MRPS28: variants seen among roughly 807,000 people sequenced by gnomAD.
MRPS28 encodes mitochondrial ribosomal protein S28.
A neutral mutation model predicts 10.8 loss-of-function variants in MRPS28; 7 were observed. The observed-to-expected ratio is 0.65, with a 90% confidence interval of 0.37 to 1.22. The LOEUF (loss-of-function observed/expected upper bound fraction) is 1.22. Among genes scored for constraint, MRPS28 ranks in the 50% most tolerant of loss-of-function variants. The pLI is 0.02. For synonymous variants in MRPS28, 121 were observed against 93.3 expected (o/e 1.30, Z -1.71); for missense variants, 265 against 232.9 (o/e 1.14, Z -0.90).
chr8:79,929,764 T>A (rs78297311), intron 2 of MRPS28, among the ~76,000 whole-genome samples: 1,561 of 152,204 alleles, frequency 0.01, 17 homozygotes, highest in African/African-American at 0.015. Context: ...TCACAGGGAA[T>A]TTTCAAAATG....
At position 79,953,811 on chromosome 8, in the gene MRPS28, A is replaced by T. The variant is rs574912486; in HGVS notation, c.396-34663T>A. ...TAACCAAGAAAGGGTTGCTACCCAG[A>T]TATATAAAGAAATGCTACAAGTGAA... On this transcript the variant is annotated intron_variant, in intron 2 of 2. Coordinates refer to ENST00000276585, the MANE Select transcript of MRPS28 (RefSeq NM_014018.3). 5.9e-5 allele frequency among the ~76,000 whole-genome samples: 9 copies of T among 152,362 alleles called. No homozygotes were observed. In the South Asian group the frequency reaches 1.9e-3, roughly 32 times the overall value.
At chr8:80,013,225 C>T (rs1265585320) in intron 1 of MRPS28, among the ~76,000 whole-genome samples, 2 of 151,994 alleles carry the variant, frequency 1.3e-5, no homozygotes, top group Non-Finnish European at 2.9e-5. Flanking sequence ...AAATTTTCTT[C>T]CAATTCTATA....
intron 2 of MRPS28, among the ~76,000 whole-genome samples, chr8:79,935,559 A>C (rs1172953997): frequency 6.6e-6 from 1 of 152,180 alleles, no homozygotes; most frequent in Non-Finnish European, 1.5e-5. Flanking sequence ...GTAAGCTTAG[A>C]TCTGTGATTA....
At chr8:80,016,432 C>A (rs760562337) in intron 1 of MRPS28, among the ~76,000 whole-genome samples, 2 of 151,434 alleles carry the variant, frequency 1.3e-5, no homozygotes, top group Non-Finnish European at 2.9e-5. Context: ...AAAATACTAA[C>A]CTAGAATTCT....
chr8:79,983,405 C>A (rs1231867851), intron 2 of MRPS28, among the ~76,000 whole-genome samples: 5 of 152,132 alleles, frequency 3.3e-5, no homozygotes, highest in African/African-American at 4.8e-5. Context: ...TCACCAGCAA[C>A]GGAACAAAGC....
chr8:79,920,226 T>G lies in MRPS28; in HGVS notation c.396-1078A>C, dbSNP rs184877818. Reference sequence around the variant, plus strand: ...TTGGGTTGGTTCCAAGTCTTTGCTATTGCGAATGGTACCGCAATAAACATA... The same window carrying G: ...TTGGGTTGGTTCCAAGTCTTTGCTAGTGCGAATGGTACCGCAATAAACATA... On this transcript the variant is annotated intron_variant, in intron 2 of 2. Transcript: ENST00000276585. Among the ~76,000 whole-genome samples the G allele has an allele frequency of 2.4e-3, 365 of 152,294 alleles. 2 individuals are homozygous for G. The highest frequency in any genetic ancestry group is 8.4e-3 in the African/African-American group (350 of 41,564).
At chr8:79,977,801 A>G (rs1168321296) in intron 2 of MRPS28, among the ~76,000 whole-genome samples, 1 of 151,572 alleles carries the variant, frequency 6.6e-6, no homozygotes, top group African/African-American at 2.4e-5. Context: ...TGGGTGACAG[A>G]GTGAGACTGT....
At chr8:80,004,324 T>C (rs1030081025) in intron 1 of MRPS28, among the ~76,000 whole-genome samples, 21 of 152,202 alleles carry the variant, frequency 1.4e-4, no homozygotes, top group African/African-American at 5.1e-4. Context: ...CATTTGCTGT[T>C]CATCAGTATT....
chr8:79,992,748 A>G (rs925986280), intron 2 of MRPS28, among the ~76,000 whole-genome samples: 1 of 152,214 alleles, frequency 6.6e-6, no homozygotes, highest in Admixed American at 6.5e-5. Context: ...AGTGGTTAAC[A>G]ATATAGAGAA....
At chr8:79,992,528 A>G (rs1808394607) in intron 2 of MRPS28, among the ~76,000 whole-genome samples, 1 of 152,170 alleles carries the variant, frequency 6.6e-6, no homozygotes, top group Non-Finnish European at 1.5e-5. Context: ...TCATTCATTT[A>G]GTCATTTATT....
At chr8:79,964,042 T>C (rs1331818829) in intron 2 of MRPS28, among the ~76,000 whole-genome samples, 1 of 152,168 alleles carries the variant, frequency 6.6e-6, no homozygotes, top group African/African-American at 2.4e-5. Context: ...TTTTCTGTCA[T>C]ATTTCTCTTA....
intron 2 of MRPS28, among the ~76,000 whole-genome samples, chr8:79,951,954 G>C (rs963760615): frequency 1.3e-5 from 2 of 152,148 alleles, no homozygotes; most frequent in African/African-American, 4.8e-5. Flanking sequence ...AGGTGAGTTG[G>C]TAAGTTTCTT....
intron 2 of MRPS28, among the ~76,000 whole-genome samples, chr8:79,962,271 C>T (rs1477957788): frequency 6.6e-6 from 1 of 151,966 alleles, no homozygotes; most frequent in African/African-American, 2.4e-5. Flanking sequence ...GAATAACCAC[C>T]AGAAGCTACA....
rs561156155 is a variant in MRPS28 at position 79,938,580 on chromosome 8, A to C, written c.396-19432T>G. On this transcript the variant is annotated intron_variant, in intron 2 of 2. Transcript: ENST00000276585. Reference sequence around the variant, plus strand: ...TGGTAGGGAATGCCACCAGATTAAAAAACAACAACAACAACAAAAAAGAAC... The same window carrying C: ...TGGTAGGGAATGCCACCAGATTAAACAACAACAACAACAACAAAAAAGAAC... Among the ~76,000 whole-genome samples the C allele has an allele frequency of 1.6e-4, 25 of 152,282 alleles. No individual in the cohort carries two copies. The South Asian group carries it at 1.9e-3, about 11-fold the overall frequency.
At chr8:79,936,326 C>G (rs929439069) in intron 2 of MRPS28, among the ~76,000 whole-genome samples, 16 of 151,558 alleles carry the variant, frequency 1.1e-4, no homozygotes, top group African/African-American at 3.6e-4. Flanking sequence ...AAGATCTTGT[C>G]TCAAAAAAAT....
chr8:79,921,637 C>T (rs943593754), intron 2 of MRPS28, among the ~76,000 whole-genome samples: 3 of 152,130 alleles, frequency 2.0e-5, no homozygotes, highest in Admixed American at 6.6e-5. Context: ...GATTTTGTAT[C>T]CTGAGACTTT....
At chr8:79,934,289 A>C (rs1586043618) in intron 2 of MRPS28, among the ~76,000 whole-genome samples, 1 of 152,278 alleles carries the variant, frequency 6.6e-6, no homozygotes, top group East Asian at 1.9e-4. Context: ...ACCTTCATGA[A>C]CATATTAGTT....
At chr8:79,963,245 A>G (rs1226545089) in intron 2 of MRPS28, among the ~76,000 whole-genome samples, 1 of 152,154 alleles carries the variant, frequency 6.6e-6, no homozygotes, top group Non-Finnish European at 1.5e-5. Flanking sequence ...TCTGTGGCAG[A>G]GGCTATTTTA....
At chr8:79,940,432 T>C (rs1395459669) in intron 2 of MRPS28, among the ~76,000 whole-genome samples, 4 of 152,224 alleles carry the variant, frequency 2.6e-5, no homozygotes, top group African/African-American at 7.2e-5. Context: ...TGGTAGGAAA[T>C]GATTTTTAAA....
Sources: allele counts gnomAD v4.1 joint callset (sites outside exome capture counted in the v4.1 genomes callset), GRCh38; gene constraint gnomAD v4.1.1; transcripts MANE v1.5; gene names NCBI Gene and HGNC (gene_info 2026-07-23, HGNC 2026-07-21).